Variants in SLC9A9 observed in about 807,000 individuals in gnomAD.
The protein encoded by SLC9A9 is solute carrier family 9 member A9.
In SLC9A9, 62 loss-of-function variants were observed where a neutral mutation model predicts 77.8. The observed-to-expected ratio is 0.80, with a 90% CI of 0.65 to 0.98. The LOEUF (loss-of-function observed/expected upper bound fraction) is 0.98. SLC9A9 is among the 50% of genes least tolerant of loss of function. The probability of loss-of-function intolerance (pLI) is 0.00; values close to 1 mark genes in which losing one functional copy is unlikely to be tolerated. For missense variants in SLC9A9, 775 were observed against 774.9 expected, an observed-to-expected ratio of 1.00 and a Z score of 0.00; for synonymous variants, 320 against 283.5, an observed-to-expected ratio of 1.13 and a Z score of -1.29.
chr3:143,342,039 C>T (rs1369121180), intron 14 of SLC9A9, among the ~76,000 whole-genome samples: 1 of 152,174 alleles, frequency 6.6e-6, no homozygotes, highest in Non-Finnish European at 1.5e-5. Context: ...GCATCACAGT[C>T]AGGACCCAGC....
chr3:143,776,109 GTA>G (rs2007681076), intron 4 of SLC9A9, among the ~76,000 whole-genome samples: 1 of 151,998 alleles, frequency 6.6e-6, no homozygotes, highest in Admixed American at 6.6e-5. Context: ...AAATTTAAAA[GTA>G]TATATTTATA....
chr3:143,558,179 C>A (rs1024081757), intron 8 of SLC9A9, among the ~76,000 whole-genome samples: 3 of 152,214 alleles, frequency 2.0e-5, no homozygotes, highest in Non-Finnish European at 4.4e-5. Context: ...GAACCTCCAC[C>A]TAGATTTCAG....
intron 11 of SLC9A9, among the ~76,000 whole-genome samples, chr3:143,472,650 A>T (rs2035398158): frequency 6.6e-6 from 1 of 152,214 alleles, no homozygotes; most frequent in African/African-American, 2.4e-5. Context: ...GCAATTGGCC[A>T]GTTCTGTTTA....
chr3:143,746,392 A>G (rs867760733), intron 4 of SLC9A9, among the ~76,000 whole-genome samples: 4 of 152,218 alleles, frequency 2.6e-5, no homozygotes, highest in African/African-American at 7.2e-5. Context: ...GAACATTTCA[A>G]TCATAACCCT....
chr3:143,421,149 GAAAA>G (rs1356621538), intron 12 of SLC9A9, among the ~76,000 whole-genome samples: 2 of 152,012 alleles, frequency 1.3e-5, no homozygotes, highest in African/African-American at 4.8e-5. Flanking sequence ...GGCACAAATG[GAAAA>G]ATATTTCATG....
chr3:143,477,347 T>TTTTTTTTCC (rs1553758984), intron 11 of SLC9A9, among the ~76,000 whole-genome samples: 1 of 103,046 alleles, frequency 9.7e-6, no homozygotes, highest in Non-Finnish European at 1.9e-5. Flanking sequence ...TTTTTTTTTT[T>TTTTTTTTCC]CCCCCTCCCC....
chr3:143,354,490 G>A (rs2032539088), intron 14 of SLC9A9, among the ~76,000 whole-genome samples: 1 of 152,202 alleles, frequency 6.6e-6, no homozygotes, highest in Admixed American at 6.5e-5. Context: ...ACTGCAGTCT[G>A]CGAGCTAGAC....
chr3:143,304,893 C>CCTATACACTTTT (rs2030708508), intron 14 of SLC9A9, among the ~76,000 whole-genome samples: 1 of 152,140 alleles, frequency 6.6e-6, no homozygotes. Flanking sequence ...GCTCAGCACC[C>CCTATACACTTTT]CTATACACTT....
At chr3:143,666,424 CA>C (rs1469007067) in intron 5 of SLC9A9, among the ~76,000 whole-genome samples, 1 of 152,150 alleles carries the variant, frequency 6.6e-6, no homozygotes, top group Non-Finnish European at 1.5e-5. Context: ...AAAACTGACA[CA>C]AGACAGGGAT....
chr3:143,707,011 G>T (rs1308470654), intron 4 of SLC9A9, among the ~76,000 whole-genome samples: 1 of 152,170 alleles, frequency 6.6e-6, no homozygotes, highest in Admixed American at 6.5e-5. Flanking sequence ...GCAGTAGGAA[G>T]ATGGAGAGCA....
At chr3:143,378,941 G>T (rs1652649271) in intron 13 of SLC9A9, among the ~76,000 whole-genome samples, 1 of 152,004 alleles carries the variant, frequency 6.6e-6, no homozygotes, top group Non-Finnish European at 1.5e-5. Context: ...TTACTAGTTA[G>T]CCACAGCTAC....
intron 5 of SLC9A9, among the ~76,000 whole-genome samples, chr3:143,680,662 A>C (rs559544502): frequency 6.6e-6 from 1 of 152,248 alleles, no homozygotes; most frequent in Non-Finnish European, 1.5e-5. Flanking sequence ...GCACCTCACA[A>C]AATTTCGTTT....
chr3:143,805,217 C>T (rs147943311), intron 2 of SLC9A9, among the ~76,000 whole-genome samples: 2,114 of 152,146 alleles, frequency 0.014, 45 homozygotes, highest in African/African-American at 0.047. Context: ...CATCCAAAAC[C>T]GTATCCAGGC....
chr3:143,735,913 C>A (rs1023528202), intron 4 of SLC9A9, among the ~76,000 whole-genome samples: 10 of 152,116 alleles, frequency 6.6e-5, no homozygotes, highest in African/African-American at 2.4e-4. Flanking sequence ...TGTAACTGGG[C>A]CATTTTCAGA....
At chr3:143,397,600 C>T (rs550935234) in intron 12 of SLC9A9, among the ~76,000 whole-genome samples, 2 of 152,158 alleles carry the variant, frequency 1.3e-5, no homozygotes, top group Non-Finnish European at 2.9e-5. Flanking sequence ...GCATCTCCTT[C>T]CCTCACTTTT....
chr3:143,598,017 C>T (rs2037787618), intron 6 of SLC9A9, among the ~76,000 whole-genome samples: 1 of 152,188 alleles, frequency 6.6e-6, no homozygotes, highest in Admixed American at 6.5e-5. Flanking sequence ...AATTCGGGGC[C>T]TGCAGACAAA....
At chr3:143,285,889 ACT>A (rs970402730) in intron 14 of SLC9A9, among the ~76,000 whole-genome samples, 17 of 151,930 alleles carry the variant, frequency 1.1e-4, no homozygotes, top group Admixed American at 3.3e-4. Context: ...GGAGCTGAGA[ACT>A]CTTTCTCCCT....
intron 12 of SLC9A9, among the ~76,000 whole-genome samples, chr3:143,398,457 T>C (rs2033777241): frequency 6.7e-6 from 1 of 150,232 alleles, no homozygotes; most frequent in South Asian, 2.1e-4. Context: ...AAAATTATCA[T>C]AGTAACAGCC....
At chr3:143,466,387 C>T (rs2035280649) in intron 12 of SLC9A9, among the ~76,000 whole-genome samples, 2 of 152,224 alleles carry the variant, frequency 1.3e-5, no homozygotes. Flanking sequence ...CCCCTTTTCA[C>T]AATTGACACC....
Sources: gnomAD v4.1 joint callset for allele counts (sites outside exome capture counted in the v4.1 genomes callset) on GRCh38, gnomAD v4.1.1 for gene constraint, MANE v1.5 for transcripts, NCBI Gene and HGNC (gene_info 2026-07-23, HGNC 2026-07-21) for gene names.